The following WWOX variants were observed in gnomAD, a reference collection of about 807,000 sequenced individuals.
WWOX encodes the protein WW domain-containing oxidoreductase.
Under a neutral mutation model 46.2 loss-of-function variants are expected in WWOX, and 69 were observed. The observed-to-expected ratio is 1.49, with a 90% CI of 1.23 to 1.82. WWOX has a LOEUF of 1.82. WWOX is among the 40% of genes most tolerant of loss of function. The pLI is 0.00. For synonymous variants in WWOX, 359 were observed against 202.6 expected (o/e 1.77, Z -6.56); for missense variants, 919 against 542.6 (o/e 1.69, Z -6.89).
chr16:78,888,990 C>T (rs1319689697), intron 8 of WWOX, among the ~76,000 whole-genome samples: 2 of 152,032 alleles, frequency 1.3e-5, no homozygotes, highest in African/African-American at 4.8e-5. Flanking sequence ...GTCAGTCCTC[C>T]TCACCACCTC....
intron 7 of WWOX, among the ~76,000 whole-genome samples, chr16:78,426,163 G>C (rs947406799): frequency 2.0e-5 from 3 of 152,146 alleles, no homozygotes; most frequent in African/African-American, 7.2e-5. Context: ...TAGTAATTAG[G>C]TGGTAACAAA....
chr16:79,136,070 G>C (rs574588711), intron 8 of WWOX, among the ~76,000 whole-genome samples: 153 of 152,218 alleles, frequency 1.0e-3, no homozygotes, highest in Non-Finnish European at 1.5e-3. Flanking sequence ...TACTCTGAAT[G>C]CACAGTGAAT....
intron 5 of WWOX, among the ~76,000 whole-genome samples, chr16:78,241,986 C>T (rs935493190): frequency 5.9e-5 from 9 of 152,164 alleles, no homozygotes; most frequent in African/African-American, 1.4e-4. Flanking sequence ...CCCATAGCTA[C>T]ACTAGATTTG....
chr16:78,426,040 A>G (rs949376188), intron 7 of WWOX, among the ~76,000 whole-genome samples: 70 of 152,214 alleles, frequency 4.6e-4, no homozygotes, highest in African/African-American at 1.5e-3. Context: ...GGCTTATGGT[A>G]TAAGTGACAC....
At chr16:78,494,197 C>G (rs1305278501) in intron 8 of WWOX, among the ~76,000 whole-genome samples, 1 of 152,172 alleles carries the variant, frequency 6.6e-6, no homozygotes, top group Non-Finnish European at 1.5e-5. Context: ...CAGGAGAACT[C>G]TTTCACAAGA....
intron 5 of WWOX, among the ~76,000 whole-genome samples, chr16:78,363,119 TC>T: frequency 6.6e-6 from 1 of 152,232 alleles, no homozygotes. Context: ...CATCTTTCCG[TC>T]CAGTGGTCAC....
At position 78,389,781 on chromosome 16, in the gene WWOX, C is replaced by T. The variant is rs188214986; in HGVS notation, c.605+2833C>T. Among the ~76,000 whole-genome samples the T allele has an allele frequency of 7.0e-4, 106 of 152,266 alleles. No individual in the cohort carries two copies. The South Asian group carries it at 0.017, about 24-fold the overall frequency. ...TTATTTATTTTTTGAGACAGGGTCT[C>T]GCTGTGTTGCCCAGGCTGAAGTGCA... On this transcript the variant is annotated intron_variant, in intron 6 of 8. Coordinates refer to ENST00000566780, the MANE Select transcript of WWOX (RefSeq NM_016373.4).
chr16:78,542,969 G>C (rs1031698864), intron 8 of WWOX, among the ~76,000 whole-genome samples: 14 of 152,190 alleles, frequency 9.2e-5, no homozygotes, highest in Non-Finnish European at 1.5e-4. Context: ...AAGCAGAATA[G>C]CAAACAATTT....
intron 8 of WWOX, among the ~76,000 whole-genome samples, chr16:78,483,144 G>C (rs1177818087): frequency 6.6e-6 from 1 of 152,110 alleles, no homozygotes; most frequent in Non-Finnish European, 1.5e-5. Context: ...GAGTGTGTTA[G>C]ACTGCTTTTC....
At chr16:78,604,516 A>C (rs1337853653) in intron 8 of WWOX, among the ~76,000 whole-genome samples, 1 of 152,202 alleles carries the variant, frequency 6.6e-6, no homozygotes, top group Non-Finnish European at 1.5e-5. Flanking sequence ...TTCTTTTGTA[A>C]AAATTAGAAA....
chr16:78,268,230 A>T (rs1241064458), intron 5 of WWOX, among the ~76,000 whole-genome samples: 1 of 152,228 alleles, frequency 6.6e-6, no homozygotes, highest in African/African-American at 2.4e-5. Flanking sequence ...GGGAAAATAT[A>T]GTATTCCTTA....
intron 8 of WWOX, among the ~76,000 whole-genome samples, chr16:78,859,027 A>AAATATAT (rs1555551610): frequency 1.2e-3 from 29 of 23,656 alleles, no homozygotes; most frequent in East Asian, 3.2e-3. Flanking sequence ...AAAAAAAAAA[A>AAATATAT]ATATATATAT....
chr16:79,027,446 T>A (rs1308967254), intron 8 of WWOX, among the ~76,000 whole-genome samples: 1 of 151,728 alleles, frequency 6.6e-6, no homozygotes, highest in Non-Finnish European at 1.5e-5. Context: ...CCTCCCATTT[T>A]ACACCCTGTT....
chr16:79,194,865 C>T (rs1023115455), intron 8 of WWOX, among the ~76,000 whole-genome samples: 6 of 152,092 alleles, frequency 3.9e-5, no homozygotes, highest in African/African-American at 2.4e-5. Flanking sequence ...AGCAGATGCT[C>T]CCAGAGTCTA....
chr16:78,185,118 C>T (rs2035656441), intron 5 of WWOX, among the ~76,000 whole-genome samples: 1 of 152,152 alleles, frequency 6.6e-6, no homozygotes, highest in South Asian at 2.1e-4. Flanking sequence ...CAAAGCAAGT[C>T]TCAGGGCCAA....
At chr16:78,930,530 A>T (rs1311321903) in intron 8 of WWOX, among the ~76,000 whole-genome samples, 1 of 142,468 alleles carries the variant, frequency 7.0e-6, no homozygotes, top group African/African-American at 2.6e-5. Context: ...GCCTCAAGTG[A>T]TCCGCCAGCC....
chr16:78,564,962 G>T (rs2044529757), intron 8 of WWOX, among the ~76,000 whole-genome samples: 1 of 152,026 alleles, frequency 6.6e-6, no homozygotes, highest in South Asian at 2.1e-4. Flanking sequence ...AACAAGACAA[G>T]TAGAAAACGA....
chr16:79,170,223 C>T (rs956116447), intron 8 of WWOX, among the ~76,000 whole-genome samples: 4 of 152,182 alleles, frequency 2.6e-5, no homozygotes, highest in African/African-American at 9.7e-5. Flanking sequence ...GCACATTTCT[C>T]CTTACAAACA....
At chr16:79,001,850 G>A (rs985750070) in intron 8 of WWOX, among the ~76,000 whole-genome samples, 6 of 152,070 alleles carry the variant, frequency 3.9e-5, no homozygotes, top group Non-Finnish European at 5.9e-5. Flanking sequence ...CAGTGGTGTC[G>A]CTTTAGAAAA....
Sources: gnomAD v4.1 joint callset for allele counts (sites outside exome capture counted in the v4.1 genomes callset) on GRCh38, gnomAD v4.1.1 for gene constraint, MANE v1.5 for transcripts, NCBI Gene and HGNC (gene_info 2026-07-23, HGNC 2026-07-21) for gene names.